The following OVOL1 variants were observed in gnomAD, a reference collection of about 807,000 sequenced individuals.
The protein encoded by OVOL1 is ovo like transcriptional repressor 1, also known as putative transcription factor Ovo-like 1.
In OVOL1, 10 loss-of-function variants were observed where a neutral mutation model predicts 21.5. The observed-to-expected ratio is 0.46, with a 90% confidence interval of 0.29 to 0.79. The LOEUF is 0.79. Ranked by LOEUF, OVOL1 falls within the 30% of genes least tolerant of loss-of-function variation. The probability of loss-of-function intolerance (pLI) is 0.10; values close to 1 mark genes in which losing one functional copy is unlikely to be tolerated. For synonymous variants in OVOL1, 129 were observed against 150.3 expected, an observed-to-expected ratio of 0.86 and a Z score of 1.03; for missense variants, 279 against 362.3, an observed-to-expected ratio of 0.77 and a Z score of 1.87.
rs1565231034 is a variant in OVOL1 at position 65,794,143 on chromosome 11, C to G, written c.213C>G (p.Ser71Arg). 1 of 1,613,844 alleles carries G rather than the reference C, an allele frequency of 6.2e-7. No individual in the cohort carries two copies. Among genetic ancestry groups the G allele is most frequent in the Admixed American group, 1.7e-5 (1 of 60,032 alleles). The change falls in exon 2 of 4, where the codon AGC (serine) becomes AGG (arginine). Residue 71 changes from serine (S) to arginine (R), a missense_variant. Transcript: ENST00000335987. Reference protein sequence around the residue: ...LNMSLRDSSYSMAPGPCVVAQ... With the variant: ...LNMSLRDSSYRMAPGPCVVAQ... ...TGAGCCTTCGAGACTCTAGCTACAGCATGGCCCCCGGGCCCTGTGTGGTGG... is the reference window on the plus strand; with the variant it reads ...TGAGCCTTCGAGACTCTAGCTACAGGATGGCCCCCGGGCCCTGTGTGGTGG...
intron 1 of OVOL1, among the ~76,000 whole-genome samples, chr11:65,787,763 G>T (rs946179252): frequency 3.9e-5 from 6 of 152,170 alleles, no homozygotes; most frequent in Non-Finnish European, 8.8e-5. Flanking sequence ...CCTGAACCGC[G>T]GCACAGAGGA....
At position 65,787,179 on chromosome 11, in the gene OVOL1, A is replaced by C; in HGVS notation, c.-195A>C. 2.1e-6 allele frequency: 1 copy of C among 469,640 alleles called. No individual in the cohort carries two copies. The highest frequency in any genetic ancestry group is 4.0e-6 in the Non-Finnish European group (1 of 251,456). The allele number at this position is 469,640 out of a possible 1,614,324, so 29.1% of individuals were successfully genotyped here. Reference sequence around the variant, plus strand: ...CCGCAAGGGACCTCGTTCTCAGGGAAGACGGCGACATTCCGCGGAGGTGGA... The same window carrying C: ...CCGCAAGGGACCTCGTTCTCAGGGACGACGGCGACATTCCGCGGAGGTGGA... On this transcript the variant is annotated 5_prime_UTR_variant, in exon 1 of 4. Coordinates refer to ENST00000335987, the MANE Select transcript of OVOL1 (RefSeq NM_004561.4).
intron 1 of OVOL1, among the ~76,000 whole-genome samples, chr11:65,791,388 A>C (rs1374112455): frequency 6.6e-6 from 1 of 152,196 alleles, no homozygotes; most frequent in Admixed American, 6.5e-5. Flanking sequence ...GCTGACCCCC[A>C]TGTTCTGGGG....
At chr11:65,792,119 C>T (rs1309792675) in intron 1 of OVOL1, among the ~76,000 whole-genome samples, 2 of 152,202 alleles carry the variant, frequency 1.3e-5, no homozygotes, top group African/African-American at 2.4e-5. Context: ...TCCCTGGCCC[C>T]GGTCTCCCAG....
intron 1 of OVOL1, 167 bp from the exon 2 acceptor site, chr11:65,793,864 A>C: frequency 3.3e-6 from 2 of 608,476 alleles, no homozygotes; most frequent in East Asian, 5.5e-5. Flanking sequence ...ATAGGGCGGG[A>C]AGGCGGTGCA....
rs1433835388 is a variant in OVOL1 at position 65,793,978 on chromosome 11, C to T, written c.101-53C>T. On this transcript the variant is annotated intron_variant, in intron 1 of 3. Coordinates refer to ENST00000335987, the MANE Select transcript of OVOL1 (RefSeq NM_004561.4). ...ATGGCTAGGGAAGTTTCCAGAAACC[C>T]GCTGGACCCTCTCTTCTCCACCAAG... 6.8e-6 allele frequency: 10 copies of T among 1,479,746 alleles called. No homozygotes were observed. In the Admixed American group the frequency reaches 6.9e-5, roughly 10 times the overall value. The allele number at this position is 1,479,746 out of a possible 1,614,324, so 91.7% of individuals were successfully genotyped here. A position where few individuals can be genotyped will look rare whatever the true frequency, so the allele number is the denominator to read the frequency against.
chr11:65,793,744 A>G, intron 1 of OVOL1: 1 of 497,304 alleles, frequency 2.0e-6, no homozygotes, highest in Non-Finnish European at 3.7e-6. Flanking sequence ...GGGCAGGCAG[A>G]AAACTCCGGA....
intron 1 of OVOL1, chr11:65,789,108 CA>C: frequency 1.0e-6 from 1 of 967,138 alleles, no homozygotes; most frequent in African/African-American, 1.8e-5. Flanking sequence ...AGTTTTATTT[CA>C]CATCCCAATC....
At chr11:65,793,716 G>GA in intron 1 of OVOL1, 1 of 439,614 alleles carries the variant, frequency 2.3e-6, no homozygotes, top group South Asian at 2.4e-5. Flanking sequence ...CTGGAATTCA[G>GA]AGGGACCAGC....
intron 1 of OVOL1, chr11:65,790,914 T>C (rs1267982535): frequency 6.6e-6 from 1 of 152,498 alleles, no homozygotes; most frequent in Non-Finnish European, 1.5e-5. Context: ...AAGCTGGCCA[T>C]GGGTGAAGTC....
chr11:65,794,530 AC>A lies in OVOL1; in HGVS notation c.319-5del. The A allele has an allele frequency of 6.2e-7, 1 of 1,610,930 alleles. No individual in the cohort carries two copies. The highest frequency in any genetic ancestry group is 8.5e-7 in the Non-Finnish European group (1 of 1,178,138). ...GATGTCTGTCAGCAATGCCGTCCTC[AC>A]CCACAGGTGACCCTTGGGGACAGTC... On this transcript the variant is annotated splice_polypyrimidine_tract_variant and splice_region_variant and intron_variant, in intron 2 of 3. Coordinates refer to ENST00000335987, the MANE Select transcript of OVOL1 (RefSeq NM_004561.4).
rs140732263 is a variant in OVOL1 at position 65,795,859 on chromosome 11, A to AG, written c.*521dup. ...GGGCTTCTAATGCTCAGGGTTCTGG[A>AG]GGGCTCTGTCCTTCCGGCAAGGAGA... On this transcript the variant is annotated 3_prime_UTR_variant, in exon 4 of 4. Transcript: ENST00000335987. This position sits in a 1 kb window ranked among gnomAD's most constrained non-coding sequence, Gnocchi z 5.7. 239 of 186,598 alleles carry AG rather than the reference A, an allele frequency of 1.3e-3. No homozygotes were observed. The highest frequency in any genetic ancestry group is 5.2e-3 in the African/African-American group (226 of 43,086). The allele number at this position is 186,598 out of a possible 1,614,324, so 11.6% of individuals were successfully genotyped here.
chr11:65,787,580 G>A, intron 1 of OVOL1, 107 bp downstream of exon 1: 1 of 440,898 alleles, frequency 2.3e-6, no homozygotes, highest in Non-Finnish European at 3.1e-6. Context: ...CGCGGTGTGG[G>A]CGCCGGGGCT....
rs1858124261 is a variant in OVOL1 at position 65,795,934 on chromosome 11, ACTG to A, written c.*597_*599del. On this transcript the variant is annotated 3_prime_UTR_variant, in exon 4 of 4. Transcript: ENST00000335987. The surrounding 1 kb of genome is among the most constrained non-coding windows in gnomAD (Gnocchi z 5.7). ...TGTGTGCGTGTGCTTGTGTGTGTGC[ACTG>A]CTGTGTGTGTGTGCACGCACAGGAA... 1 of 161,518 alleles carries A rather than the reference ACTG, an allele frequency of 6.2e-6. No homozygotes were observed. The highest frequency in any genetic ancestry group is 1.8e-4 in the East Asian group (1 of 5,680). The allele number at this position is 161,518 out of a possible 1,614,324, so 10.0% of individuals were successfully genotyped here.
chr11:65,788,819 A>C (rs1220404758), intron 1 of OVOL1: 1 of 985,356 alleles, frequency 1.0e-6, no homozygotes, highest in Non-Finnish European at 1.2e-6. Flanking sequence ...AAGGGAAGTG[A>C]GTGGCCTCCC....
At chr11:65,788,391 A>G in intron 1 of OVOL1, 1 of 951,766 alleles carries the variant, frequency 1.1e-6, no homozygotes, top group Non-Finnish European at 1.3e-6. Context: ...GTCTGGAGAA[A>G]GCCTGCTTCC....
chr11:65,789,780 G>C (rs1857973273), intron 1 of OVOL1: 2 of 874,432 alleles, frequency 2.3e-6, no homozygotes, highest in Admixed American at 6.2e-5. Flanking sequence ...CTTCCTGCCA[G>C]GTTCCTCTGA....
At position 65,794,039 on chromosome 11, in the gene OVOL1, G is replaced by T. The variant is rs1235391737; in HGVS notation, c.109G>T (p.Gly37Cys). 2 of 1,613,730 alleles carry T rather than the reference G, an allele frequency of 1.2e-6. No homozygotes were observed. Among genetic ancestry groups the T allele is most frequent in the African/African-American group, 2.7e-5 (2 of 75,032 alleles). The change falls in exon 2 of 4, where the codon GGC becomes TGC. Residue 37 changes from glycine (G) to cysteine (C), a missense_variant. By Grantham distance (159) the Gly-to-Cys change is radical. Coordinates refer to ENST00000335987, the MANE Select transcript of OVOL1 (RefSeq NM_004561.4). ...GTCTGTTCTCTCCCCAGTCAGCCTGGGCTTCTGCCCACCACAGCCCTACCG... is the reference window on the plus strand; with the variant it reads ...GTCTGTTCTCTCCCCAGTCAGCCTGTGCTTCTGCCCACCACAGCCCTACCG... ...RGEIYVPVSL[G>C]FCPPQPYREP...
Position 65,794,231 on chromosome 11 carries a change from C to T in OVOL1, c.301C>T (p.Leu101=), listed in dbSNP as rs756670289. The change falls in exon 2 of 4, where the codon CTG becomes TTG. Residue 101 remains leucine, a synonymous_variant. Transcript: ENST00000335987. Reference sequence around the variant, plus strand: ...CCCCCAGAGCAGAGACCATGGCTTCCTGCGCACCAAGATGAAGGTAATGCC... The same window carrying T: ...CCCCCAGAGCAGAGACCATGGCTTCTTGCGCACCAAGATGAAGGTAATGCC... ...TDPQSRDHGF[L]RTKMKVTLGD... 6.2e-7 allele frequency: 1 copy of T among 1,613,098 alleles called. No homozygotes were observed. Among genetic ancestry groups the T allele is most frequent in the Non-Finnish European group, 8.5e-7 (1 of 1,179,892 alleles).
Sources: allele counts gnomAD v4.1 joint callset (sites outside exome capture counted in the v4.1 genomes callset), GRCh38; gene constraint gnomAD v4.1.1; non-coding constraint Gnocchi (gnomAD v3.1); transcripts MANE v1.5; gene names NCBI Gene and HGNC (gene_info 2026-07-23, HGNC 2026-07-21).